Variants in SAMSN1 observed in about 807,000 individuals in gnomAD.
SAMSN1 encodes the protein SAM domain-containing protein SAMSN-1.
In SAMSN1, 31 loss-of-function variants were observed where a neutral mutation model predicts 42.0. The ratio of observed to expected loss-of-function variants is 0.74; its 90% CI spans 0.55 to 1.00. SAMSN1 has a LOEUF of 1.00. SAMSN1 is among the 50% of genes least tolerant of loss of function. The probability of loss-of-function intolerance (pLI) is 0.00; values close to 1 mark genes in which losing one functional copy is unlikely to be tolerated. For synonymous variants in SAMSN1, 178 were observed against 151.9 expected (o/e 1.17, Z -1.26); for missense variants, 464 against 439.4 (o/e 1.06, Z -0.50).
rs1341043943 is a variant in SAMSN1 at position 14,498,496 on chromosome 21, G to C, written c.865C>G (p.Pro289Ala). The C allele has an allele frequency of 6.2e-7, 1 of 1,610,558 alleles. No homozygotes were observed. The highest frequency in any genetic ancestry group is 2.2e-5 in the East Asian group (1 of 44,670). ...SHLIELNIEN[P>A]DDRRRLLSAA... ...GATAGTAACCTTCTTCTGTCATCTG[G>C]GTTTTCAATATTTAATTCAATGAGG... The change falls in exon 7 of 8, where the codon CCA becomes GCA. Residue 289 changes from proline (P) to alanine (A), a missense_variant. Physicochemically the swap from Pro to Ala is conservative, Grantham distance 27. Transcript: ENST00000400566.
chr21:14,494,827 G>GT (rs796941439), intron 7 of SAMSN1, among the ~76,000 whole-genome samples: 30 of 152,152 alleles, frequency 2.0e-4, no homozygotes, highest in African/African-American at 6.7e-4. Context: ...TAGAAGTCTG[G>GT]TTTTTTTCCC....
chr21:14,586,602 C>T (rs993923256), upstream of SAMSN1, among the ~76,000 whole-genome samples: 1 of 152,064 alleles, frequency 6.6e-6, no homozygotes, highest in African/African-American at 2.4e-5. Context: ...AGGCGATAAA[C>T]ATATAAACAA....
intron 7 of SAMSN1, among the ~76,000 whole-genome samples, chr21:14,490,920 A>G (rs1012539209): frequency 6.6e-6 from 1 of 152,174 alleles, no homozygotes; most frequent in African/African-American, 2.4e-5. Flanking sequence ...ACTCAAGATC[A>G]CGATAACTCA....
chr21:14,536,153 G>A (rs762291236), intron 1 of SAMSN1, among the ~76,000 whole-genome samples: 5 of 152,134 alleles, frequency 3.3e-5, no homozygotes, highest in Non-Finnish European at 7.4e-5. Context: ...GAAAGGAGGA[G>A]AAATGGATCA....
At chr21:14,593,800 C>T (rs2078122175) in intron 7 of SAMSN1, 1 of 355,652 alleles carries the variant, frequency 2.8e-6, no homozygotes, top group Admixed American at 4.5e-5. Context: ...ACAACCTTTC[C>T]TTCTTTGAAG....
intron 2 of SAMSN1, among the ~76,000 whole-genome samples, chr21:14,569,830 G>A (rs915329000): frequency 7.9e-5 from 12 of 152,054 alleles, no homozygotes; most frequent in African/African-American, 2.4e-4. Context: ...AGCAGTAGGA[G>A]CTCTCAGTGG....
chr21:14,576,036 T>C (rs1981449688), intron 2 of SAMSN1, among the ~76,000 whole-genome samples: 1 of 152,172 alleles, frequency 6.6e-6, no homozygotes, highest in Non-Finnish European at 1.5e-5. Flanking sequence ...AAAAATATCA[T>C]TGTGCTTGAT....
chr21:14,609,466 T>C (rs1271105688), intron 5 of SAMSN1: 1 of 717,670 alleles, frequency 1.4e-6, no homozygotes, highest in Non-Finnish European at 2.6e-6. Flanking sequence ...TCAGCTGAAC[T>C]AAATTTAGCA....
chr21:14,567,978 G>C (rs527575177), intron 2 of SAMSN1, among the ~76,000 whole-genome samples: 1 of 152,128 alleles, frequency 6.6e-6, no homozygotes, highest in Non-Finnish European at 1.5e-5. Context: ...ATAAAAAATG[G>C]TGTTCGTCTA....
intron 1 of SAMSN1, among the ~76,000 whole-genome samples, chr21:14,533,841 T>G (rs1162400732): frequency 6.6e-6 from 1 of 152,174 alleles, no homozygotes; most frequent in Non-Finnish European, 1.5e-5. Flanking sequence ...GTAAAGTCAA[T>G]TAAGTGGTAT....
At chr21:14,500,353 A>G (rs540323988) in intron 6 of SAMSN1, among the ~76,000 whole-genome samples, 176 bp downstream of exon 6, 42 of 152,334 alleles carry the variant, frequency 2.8e-4, no homozygotes, top group African/African-American at 9.6e-4. Context: ...TTATATCAAG[A>G]CTTGTCCTTG....
intron 6 of SAMSN1, among the ~76,000 whole-genome samples, chr21:14,600,083 C>T (rs1982388456): frequency 6.6e-6 from 1 of 152,098 alleles, no homozygotes; most frequent in Non-Finnish European, 1.5e-5. Flanking sequence ...GAGGCTGATA[C>T]AGACAGTTCT....
At chr21:14,493,119 C>G (rs1477563948) in intron 7 of SAMSN1, among the ~76,000 whole-genome samples, 3 of 152,116 alleles carry the variant, frequency 2.0e-5, no homozygotes, top group African/African-American at 7.2e-5. Context: ...CTTGGGCAGG[C>G]AGGCAGGCAG....
At chr21:14,601,618 A>C (rs1354500744) in intron 6 of SAMSN1, among the ~76,000 whole-genome samples, 1 of 152,210 alleles carries the variant, frequency 6.6e-6, no homozygotes, top group Non-Finnish European at 1.5e-5. Flanking sequence ...GAGGCCAAAC[A>C]TTCAGACTTT....
intron 7 of SAMSN1, among the ~76,000 whole-genome samples, chr21:14,492,297 C>T (rs1408596240): frequency 6.6e-6 from 1 of 152,188 alleles, no homozygotes; most frequent in Non-Finnish European, 1.5e-5. Context: ...ATAAACTAAT[C>T]TTGACAACAT....
chr21:14,586,299 A>T (rs1425838419), upstream of SAMSN1, among the ~76,000 whole-genome samples: 3 of 151,602 alleles, frequency 2.0e-5, no homozygotes, highest in East Asian at 1.9e-4. Flanking sequence ...AAAAAAGAAA[A>T]ATCCTCAAAT....
Position 14,546,271 on chromosome 21 carries a change from T to C in SAMSN1, c.-10A>G, listed in dbSNP as rs771848597. ...GCTTTCTCTTGAGCATTTTGAATTC[T>C]GACTACTCCTAGTGAGTGCACTTTC... is the stretch of plus-strand genomic sequence containing the variant. On this transcript the variant is annotated 5_prime_UTR_variant, in exon 1 of 8. Transcript: ENST00000400566. 1.2e-6 allele frequency: 2 copies of C among 1,613,400 alleles called. No individual in the cohort carries two copies. Among genetic ancestry groups the C allele is most frequent in the Non-Finnish European group, 1.7e-6 (2 of 1,179,600 alleles).
intron 1 of SAMSN1, among the ~76,000 whole-genome samples, chr21:14,651,825 C>A (rs456181): frequency 0.77 from 116,713 of 151,944 alleles, 45,334 homozygotes; most frequent in Middle Eastern, 0.89. Context: ...AATTTAGCAA[C>A]GTTGCAGGAT....
chr21:14,485,698 C>A lies in SAMSN1; in HGVS notation c.*214G>T. The A allele has an allele frequency of 1.4e-5, 6 of 420,912 alleles. No homozygotes were observed. Among genetic ancestry groups the A allele is most frequent in the Non-Finnish European group, 2.5e-5 (6 of 237,536 alleles). 26.1% of individuals were successfully genotyped at this position (420,912 alleles called of 1,614,324 possible). A position where few individuals can be genotyped will look rare whatever the true frequency, so the allele number is the denominator to read the frequency against. ...CTAATACAAGCAAGTGAAATATTAA[C>A]ACATAGCATTTAAAATAATAAATAT... On this transcript the variant is annotated 3_prime_UTR_variant, in exon 8 of 8. Transcript: ENST00000400566.
Sources: gnomAD v4.1 joint callset for allele counts (sites outside exome capture counted in the v4.1 genomes callset) on GRCh38, gnomAD v4.1.1 for gene constraint, MANE v1.5 for transcripts, NCBI Gene and HGNC (gene_info 2026-07-23, HGNC 2026-07-21) for gene names.